ITGA8: variants seen among roughly 807,000 people sequenced by gnomAD.
ITGA8 encodes the protein integrin subunit alpha 8, also known as integrin alpha-8.
A neutral mutation model predicts 142.3 loss-of-function variants in ITGA8; 91 were observed. The ratio of observed to expected loss-of-function variants is 0.64; its 90% confidence interval spans 0.54 to 0.76. The LOEUF (loss-of-function observed/expected upper bound fraction) is 0.76, where lower values mean the gene tolerates loss of function less well. Ranked by LOEUF, ITGA8 falls within the 30% of genes least tolerant of loss-of-function variation. The probability of loss-of-function intolerance (pLI) is 0.00; values close to 1 mark genes in which losing one functional copy is unlikely to be tolerated. For synonymous variants in ITGA8, 505 were observed against 485.2 expected, an observed-to-expected ratio of 1.04 and a Z score of -0.54; for missense variants, 1,406 against 1,327.7, an observed-to-expected ratio of 1.06 and a Z score of -0.92.
At chr10:15,669,693 T>C (rs1834471728) in intron 8 of ITGA8, among the ~76,000 whole-genome samples, 1 of 152,160 alleles carries the variant, frequency 6.6e-6, no homozygotes, top group Non-Finnish European at 1.5e-5. Flanking sequence ...GGGTTTTTGG[T>C]GTGGATGTCC....
At chr10:15,694,064 A>G (rs1436769907) in intron 2 of ITGA8, among the ~76,000 whole-genome samples, 1 of 147,216 alleles carries the variant, frequency 6.8e-6, no homozygotes, top group East Asian at 1.9e-4. Flanking sequence ...ATATATACAT[A>G]TTTTTAAAAA....
chr10:15,717,204 T>C (rs1835470497), intron 2 of ITGA8, among the ~76,000 whole-genome samples: 1 of 152,212 alleles, frequency 6.6e-6, no homozygotes, highest in South Asian at 2.1e-4. Flanking sequence ...AAGAAGATTA[T>C]TAAATTCTTT....
chr10:15,689,920 C>A (rs1157912524), intron 2 of ITGA8, among the ~76,000 whole-genome samples: 2 of 152,158 alleles, frequency 1.3e-5, no homozygotes, highest in East Asian at 3.9e-4. Context: ...TGCACCCCTT[C>A]GGCGCCAGAA....
At chr10:15,660,774 C>G (rs1266405231) in intron 9 of ITGA8, 105 bp downstream of exon 9, 1 of 918,598 alleles carries the variant, frequency 1.1e-6, no homozygotes, top group Non-Finnish European at 1.7e-6. Context: ...GTGTTTTCAA[C>G]TGACAGTATT....
chr10:15,517,703 T>A (rs1328578484), intron 29 of ITGA8, among the ~76,000 whole-genome samples: 1 of 152,146 alleles, frequency 6.6e-6, no homozygotes, highest in Non-Finnish European at 1.5e-5. Context: ...TCGAGCAGAG[T>A]GTTTGTTACT....
intron 2 of ITGA8, among the ~76,000 whole-genome samples, chr10:15,698,662 G>A (rs934611838): frequency 6.6e-6 from 1 of 152,142 alleles, no homozygotes; most frequent in Admixed American, 6.5e-5. Flanking sequence ...CTGATCATTA[G>A]CGATGTTGAA....
At chr10:15,699,660 A>G (rs527864395) in intron 2 of ITGA8, among the ~76,000 whole-genome samples, 2 of 152,194 alleles carry the variant, frequency 1.3e-5, no homozygotes, top group African/African-American at 2.4e-5. Flanking sequence ...CCATGTGCCT[A>G]TGTACAAGGG....
At chr10:15,714,065 T>C (rs1266461761) in intron 2 of ITGA8, among the ~76,000 whole-genome samples, 1 of 152,190 alleles carries the variant, frequency 6.6e-6, no homozygotes, top group Non-Finnish European at 1.5e-5. Context: ...TATTAGTGCT[T>C]TGATGATTAT....
chr10:15,570,639 A>G (rs1274583771), intron 25 of ITGA8, among the ~76,000 whole-genome samples: 3 of 151,304 alleles, frequency 2.0e-5, no homozygotes, highest in Admixed American at 1.3e-4. Flanking sequence ...AAAAAAGAGA[A>G]TAAGTGGGGA....
rs539547678 is a variant in ITGA8 at position 15,517,222 on chromosome 10, C to A, written c.3128G>T (p.Arg1043Ile). 1 of 1,612,904 alleles carries A rather than the reference C, an allele frequency of 6.2e-7. No homozygotes were observed. The highest frequency in any genetic ancestry group is 2.2e-5 in the East Asian group (1 of 44,856). Residue 1043 changes from arginine (R) to isoleucine (I), a missense_variant, in exon 30 of 30, where the codon AGA (arginine) becomes ATA (isoleucine). Physicochemically the swap from Arg to Ile is moderately conservative, Grantham distance 97 (BLOSUM62 -3). Transcript: ENST00000378076. ...LWKCGFFDRA[R>I]PPQEDMTDRE... Reference sequence around the variant, plus strand: ...GTCGGTCATGTCCTCCTGAGGAGGTCTGGCTCTGTCAAAGAATCCACACTA... The same window carrying A: ...GTCGGTCATGTCCTCCTGAGGAGGTATGGCTCTGTCAAAGAATCCACACTA...
chr10:15,702,634 T>C (rs1373716215), intron 2 of ITGA8, among the ~76,000 whole-genome samples: 1 of 152,136 alleles, frequency 6.6e-6, no homozygotes, highest in African/African-American at 2.4e-5. Context: ...TAGGTATTGG[T>C]TGGGCTTCCT....
intron 2 of ITGA8, among the ~76,000 whole-genome samples, chr10:15,698,259 G>A (rs998477424): frequency 2.0e-5 from 3 of 152,304 alleles, no homozygotes; most frequent in South Asian, 2.1e-4. Context: ...TTATGGCTGA[G>A]TAGTATTCCG....
rs565573758 is a variant in ITGA8 at position 15,637,073 on chromosome 10, C to T, written c.1399+6957G>A. 3.3e-5 allele frequency among the ~76,000 whole-genome samples: 5 copies of T among 152,230 alleles called. No individual in the cohort carries two copies. In the South Asian group the frequency reaches 1.0e-3, roughly 32 times the overall value. ...GGCAGGAGAATCCCTTGAACCTGGG[C>T]GGCGGAGTTTGCAGTGATCCGAGAT... On this transcript the variant is annotated intron_variant, in intron 13 of 29. Coordinates refer to ENST00000378076, the MANE Select transcript of ITGA8 (RefSeq NM_003638.3).
rs535833187 is a variant in ITGA8 at position 15,614,025 on chromosome 10, G to A, written c.1446-258C>T. 8.1e-4 allele frequency among the ~76,000 whole-genome samples: 124 copies of A among 152,226 alleles called. 3 individuals are homozygous for A. Among genetic ancestry groups the A allele is most frequent in the South Asian group, 2.7e-3 (13 of 4,824 alleles). On this transcript the variant is annotated intron_variant, in intron 14 of 29. Transcript: ENST00000378076. ...CTGTGGGTCTGTCAAGCAAAGTTGCGTACACAACCTAATTTCATTATGAAG... is the reference window on the plus strand; with the variant it reads ...CTGTGGGTCTGTCAAGCAAAGTTGCATACACAACCTAATTTCATTATGAAG...
chr10:15,712,769 T>C (rs1026335813), intron 2 of ITGA8, among the ~76,000 whole-genome samples: 1 of 152,222 alleles, frequency 6.6e-6, no homozygotes, highest in Non-Finnish European at 1.5e-5. Flanking sequence ...AGTTCGAATG[T>C]GCACATCTCA....
At chr10:15,630,036 ATTGAGAC>A (rs1161472943) in intron 13 of ITGA8, among the ~76,000 whole-genome samples, 3 of 152,084 alleles carry the variant, frequency 2.0e-5, no homozygotes, top group Admixed American at 1.3e-4. Context: ...TCTTAAAATA[ATTGAGAC>A]TTGTCATTTT....
At chr10:15,702,799 A>G (rs1269190656) in intron 2 of ITGA8, among the ~76,000 whole-genome samples, 2 of 152,336 alleles carry the variant, frequency 1.3e-5, no homozygotes, top group Admixed American at 6.5e-5. Context: ...GCTCAAAACT[A>G]TCTTTTCAAA....
chr10:15,542,227 A>T (rs1156532888), intron 27 of ITGA8, among the ~76,000 whole-genome samples: 1 of 152,220 alleles, frequency 6.6e-6, no homozygotes, highest in Non-Finnish European at 1.5e-5. Context: ...TTTGAATGGA[A>T]ATATGCTTCC....
At chr10:15,619,181 C>T (rs2090094150) in intron 13 of ITGA8, among the ~76,000 whole-genome samples, 1 of 152,334 alleles carries the variant, frequency 6.6e-6, no homozygotes. Context: ...TCTCTCTTCT[C>T]TACCTTTACC....
Sources: allele counts gnomAD v4.1 joint callset (sites outside exome capture counted in the v4.1 genomes callset), GRCh38; gene constraint gnomAD v4.1.1; transcripts MANE v1.5; gene names NCBI Gene and HGNC (gene_info 2026-07-23, HGNC 2026-07-21).